Variants in COX10 observed in about 807,000 individuals in gnomAD.
COX10 encodes the protein protoheme IX farnesyltransferase, mitochondrial.
COX10 carries 27 observed loss-of-function variants against 37.3 expected under a neutral mutation model. The ratio of observed to expected loss-of-function variants is 0.72; its 90% CI spans 0.53 to 1.00. The LOEUF is 1.00. Among genes scored for constraint, COX10 ranks in the 50% least tolerant of loss-of-function variants. COX10 has a pLI of 0.00. For synonymous variants in COX10, 222 were observed against 229.1 expected, an observed-to-expected ratio of 0.97 and a Z score of 0.28; for missense variants, 475 against 563.2, an observed-to-expected ratio of 0.84 and a Z score of 1.59.
chr17:14,113,672 A>C (rs900429246), intron 4 of COX10, among the ~76,000 whole-genome samples: 1 of 152,176 alleles, frequency 6.6e-6, no homozygotes, highest in African/African-American at 2.4e-5. Context: ...CATTGTTTTT[A>C]AATTTTAAAA....
At chr17:14,193,300 C>T (rs146914316) in intron 6 of COX10, among the ~76,000 whole-genome samples, 2,356 of 152,250 alleles carry the variant, frequency 0.015, 16 homozygotes, top group African/African-American at 0.031. Flanking sequence ...ACTGTCTCCT[C>T]ATCTCCCACA....
intron 4 of COX10, among the ~76,000 whole-genome samples, chr17:14,131,263 A>G (rs1273894619): frequency 6.6e-6 from 1 of 152,214 alleles, no homozygotes; most frequent in East Asian, 1.9e-4. Flanking sequence ...GTTTAAATAT[A>G]TTTGGATGCA....
chr17:14,111,784 A>G (rs1157788544), intron 4 of COX10, among the ~76,000 whole-genome samples: 1 of 152,152 alleles, frequency 6.6e-6, no homozygotes, highest in African/African-American at 2.4e-5. Flanking sequence ...ACAAAGGATT[A>G]AATAGTACAG....
chr17:14,162,150 G>C lies in COX10; in HGVS notation c.695+2203G>C, dbSNP rs1905183661. ...AATTATTATTGGTGCTTTGAAAGCA[G>C]AAAATTGCTTAATTGCAACAGCTGG... On this transcript the variant is annotated intron_variant, in intron 5 of 6. Transcript: ENST00000261643. Among the ~76,000 whole-genome samples, 3 of 152,314 alleles carry C rather than the reference G, an allele frequency of 2.0e-5. No homozygotes were observed. The South Asian group carries it at 6.2e-4, about 32-fold the overall frequency.
chr17:14,069,775 T>TG (rs1914968996), intron 1 of COX10, 127 bp downstream of exon 1: 39 of 1,094,928 alleles, frequency 3.6e-5, no homozygotes, highest in Non-Finnish European at 5.2e-5. Context: ...ACCGGTGTGG[T>TG]GGGGGAAATG....
chr17:14,092,454 G>A (rs768548841), intron 3 of COX10, among the ~76,000 whole-genome samples: 1 of 152,082 alleles, frequency 6.6e-6, no homozygotes, highest in Non-Finnish European at 1.5e-5. Context: ...TGTGGCTGTG[G>A]TGTTAAAAAC....
intron 4 of COX10, among the ~76,000 whole-genome samples, chr17:14,113,108 T>C (rs1397655687): frequency 2.4e-4 from 37 of 152,170 alleles, no homozygotes; most frequent in Non-Finnish European, 1.5e-5. Context: ...ACGTCCGAAC[T>C]ACAGGATCTT....
intron 5 of COX10, among the ~76,000 whole-genome samples, chr17:14,181,517 A>G (rs968604323): frequency 2.0e-5 from 3 of 151,834 alleles, no homozygotes; most frequent in African/African-American, 7.3e-5. Flanking sequence ...TCCCAGCTTC[A>G]TTCTTTATAA....
chr17:14,131,110 T>C (rs1226970456), intron 4 of COX10, among the ~76,000 whole-genome samples: 1 of 152,178 alleles, frequency 6.6e-6, no homozygotes, highest in Non-Finnish European at 1.5e-5. Context: ...ATTTAAGTTA[T>C]TTAAATGAAT....
At chr17:14,101,571 C>T (rs550122488) in intron 3 of COX10, among the ~76,000 whole-genome samples, 1 of 152,284 alleles carries the variant, frequency 6.6e-6, no homozygotes, top group East Asian at 1.9e-4. Flanking sequence ...TCCCTTGGTT[C>T]CTGCTGGTGG....
intron 6 of COX10, among the ~76,000 whole-genome samples, chr17:14,200,329 G>T (rs1046231298): frequency 6.6e-6 from 1 of 152,208 alleles, no homozygotes; most frequent in East Asian, 1.9e-4. Flanking sequence ...AAATGATTGC[G>T]ATTCTCCTCC....
At chr17:14,125,534 A>G (rs896303988) in intron 4 of COX10, among the ~76,000 whole-genome samples, 2 of 152,204 alleles carry the variant, frequency 1.3e-5, no homozygotes, top group African/African-American at 4.8e-5. Flanking sequence ...TTGGGAGGCA[A>G]ATACATTTGA....
At chr17:14,201,588 G>A (rs1218038928) in intron 6 of COX10, among the ~76,000 whole-genome samples, 1 of 152,204 alleles carries the variant, frequency 6.6e-6, no homozygotes, top group African/African-American at 2.4e-5. Context: ...TTTTGAGAAA[G>A]ACAAGGAAAA....
intron 4 of COX10, among the ~76,000 whole-genome samples, chr17:14,148,229 C>T (rs1648443929): frequency 6.6e-6 from 1 of 152,158 alleles, no homozygotes; most frequent in African/African-American, 2.4e-5. Context: ...CCAGAGCACA[C>T]ACATTCATTA....
intron 5 of COX10, among the ~76,000 whole-genome samples, chr17:14,176,024 G>T (rs1401199937): frequency 6.6e-6 from 1 of 152,142 alleles, no homozygotes; most frequent in Non-Finnish European, 1.5e-5. Flanking sequence ...TCAGATTTAG[G>T]TTAAAAGAAC....
At chr17:14,131,959 A>G (rs1040625817) in intron 4 of COX10, among the ~76,000 whole-genome samples, 12 of 152,038 alleles carry the variant, frequency 7.9e-5, no homozygotes, top group African/African-American at 2.4e-4. Flanking sequence ...TGTTTATGGG[A>G]TGATTTCCTA....
At chr17:14,120,520 G>A (rs1046947375) in intron 4 of COX10, among the ~76,000 whole-genome samples, 2 of 152,206 alleles carry the variant, frequency 1.3e-5, no homozygotes, top group African/African-American at 4.8e-5. Flanking sequence ...ATAAGGTGAT[G>A]TGAACTGAAG....
intron 1 of COX10, among the ~76,000 whole-genome samples, chr17:14,070,169 A>G (rs1417609445): frequency 6.6e-6 from 1 of 151,982 alleles, no homozygotes; most frequent in Non-Finnish European, 1.5e-5. Context: ...ATATCCTTTC[A>G]CTCGAAGAAA....
intron 5 of COX10, among the ~76,000 whole-genome samples, chr17:14,168,133 A>G (rs1387498031): frequency 6.6e-6 from 1 of 152,230 alleles, no homozygotes; most frequent in Non-Finnish European, 1.5e-5. Flanking sequence ...AGTGGGAGAA[A>G]TTGGCCAAAA....
Sources: allele counts gnomAD v4.1 joint callset (sites outside exome capture counted in the v4.1 genomes callset), GRCh38; gene constraint gnomAD v4.1.1; transcripts MANE v1.5; gene names NCBI Gene and HGNC (gene_info 2026-07-23, HGNC 2026-07-21).